The following NRP2 variants were observed in gnomAD, a reference collection of about 807,000 sequenced individuals.
The protein encoded by NRP2 is neuropilin-2.
Under a neutral mutation model 110.4 loss-of-function variants are expected in NRP2, and 52 were observed. That is an observed-to-expected ratio of 0.47 (90% confidence interval 0.38 to 0.59). The LOEUF is 0.59. Ranked by LOEUF, NRP2 falls within the 20% of genes least tolerant of loss-of-function variation. The pLI, the probability that NRP2 is intolerant of heterozygous loss-of-function variation, is 0.00. For missense variants in NRP2, 1,049 were observed against 1,203.0 expected (o/e 0.87, Z 1.89); for synonymous variants, 508 against 468.9 (o/e 1.08, Z -1.08).
At chr2:205,793,727 G>A (rs1165464727) in intron 16 of NRP2, among the ~76,000 whole-genome samples, 5 of 152,122 alleles carry the variant, frequency 3.3e-5, no homozygotes, top group Admixed American at 1.3e-4. Flanking sequence ...TCGGATAAAG[G>A]TCCACCCTCA....
chr2:205,712,921 G>T (rs1010459830), intron 2 of NRP2, among the ~76,000 whole-genome samples: 2 of 152,194 alleles, frequency 1.3e-5, no homozygotes, highest in African/African-American at 4.8e-5. Flanking sequence ...CAGCAGAGGG[G>T]TCCTTTAACT....
intron 2 of NRP2, among the ~76,000 whole-genome samples, chr2:205,712,369 C>G (rs756538539): frequency 6.6e-5 from 10 of 152,154 alleles, no homozygotes; most frequent in Non-Finnish European, 1.2e-4. Context: ...TTTATGTTGC[C>G]TTCTGGAAAA....
Position 205,776,172 on chromosome 2 carries a change from C to CT in NRP2, c.2425+9376dup, listed in dbSNP as rs757866376. 18 of 1,438,998 alleles carry CT rather than the reference C, an allele frequency of 1.3e-5. No individual in the cohort carries two copies. In the South Asian group the frequency reaches 1.3e-4, roughly 10 times the overall value. 89.1% of individuals were successfully genotyped at this position (1,438,998 alleles called of 1,614,324 possible). A position where few individuals can be genotyped will look rare whatever the true frequency, so the allele number is the denominator to read the frequency against. On this transcript the variant is annotated intron_variant, in intron 15 of 16. Transcript: ENST00000357785. ...TCCCAAAGCATGTGTGTGTTTCTTT[C>CT]TTTTTTTAAATTAGTCTTTTGATTA...
intron 1 of NRP2, 63 bp downstream of exon 1, chr2:205,683,426 A>G: frequency 2.5e-6 from 3 of 1,209,080 alleles, no homozygotes; most frequent in Non-Finnish European, 3.7e-6. Flanking sequence ...GTGACCGCTA[A>G]AGCAGGAAGG....
intron 7 of NRP2, among the ~76,000 whole-genome samples, chr2:205,739,576 C>T (rs1232245537): frequency 6.6e-6 from 1 of 151,930 alleles, no homozygotes; most frequent in Admixed American, 6.6e-5. Context: ...TTGGTTGTTA[C>T]AGCTATGACA....
chr2:205,709,601 C>T (rs949653717), intron 2 of NRP2, among the ~76,000 whole-genome samples: 1 of 152,234 alleles, frequency 6.6e-6, no homozygotes, highest in African/African-American at 2.4e-5. Flanking sequence ...CCACATGCTA[C>T]ACTTCCCAGG....
At chr2:205,743,955 G>C (rs2057492170) in intron 9 of NRP2, among the ~76,000 whole-genome samples, 1 of 152,150 alleles carries the variant, frequency 6.6e-6, no homozygotes, top group South Asian at 2.1e-4. Context: ...TATTGGTCAG[G>C]CTGGTCTCGA....
In NRP2 at chr2:205,775,131, G is replaced by C. The variant is rs141787321; in HGVS notation, c.2425+8328G>C. Among the ~76,000 whole-genome samples, 25 of 152,292 alleles carry C rather than the reference G, an allele frequency of 1.6e-4. No individual in the cohort carries two copies. In the East Asian group the frequency reaches 4.8e-3, roughly 29 times the overall value. Reference sequence around the variant, plus strand: ...CGGCTTAATGCAAACAGCTAGGGAGGCATTTTTCATAGGAGAAGCATATAT... The same window carrying C: ...CGGCTTAATGCAAACAGCTAGGGAGCCATTTTTCATAGGAGAAGCATATAT... On this transcript the variant is annotated intron_variant, in intron 15 of 16. Transcript: ENST00000357785.
intron 7 of NRP2, among the ~76,000 whole-genome samples, chr2:205,731,087 A>G (rs928387375): frequency 6.6e-6 from 1 of 152,220 alleles, no homozygotes; most frequent in Non-Finnish European, 1.5e-5. Context: ...ATCTTTATCC[A>G]ATTCCACATG....
chr2:205,690,392 G>C (rs1435980023), intron 1 of NRP2, among the ~76,000 whole-genome samples: 1 of 152,096 alleles, frequency 6.6e-6, no homozygotes, highest in African/African-American at 2.4e-5. Context: ...AAGTGTGGGG[G>C]TTGGAGTGAA....
At chr2:205,764,030 G>A in intron 13 of NRP2, 94 bp downstream of exon 13, 1 of 1,483,682 alleles carries the variant, frequency 6.7e-7, no homozygotes, top group South Asian at 1.2e-5. Flanking sequence ...AAGCGCTACT[G>A]TTTTCATTGT....
rs1460297679 is a variant in NRP2 at position 205,749,819 on chromosome 2, G to A, written c.1881G>A (p.Gly627=). The A allele has an allele frequency of 2.5e-6, 4 of 1,613,912 alleles. No homozygotes were observed. Among genetic ancestry groups the A allele is most frequent in the Non-Finnish European group, 3.4e-6 (4 of 1,179,910 alleles). The change falls in exon 11 of 17, where the codon GGG becomes GGA. Residue 627 remains glycine (G), a synonymous_variant. Transcript: ENST00000357785. ...YPTEEEATEC[G]ENCSFEDDKD... ...CCGAAGAGGAGGCCACAGAGTGTGG[G>A]GAGAACTGCAGCTTTGAGGATGGTA...
intron 14 of NRP2, among the ~76,000 whole-genome samples, 176 bp from the exon 15 acceptor site, chr2:205,766,607 T>C (rs935696834): frequency 1.4e-4 from 21 of 152,292 alleles, no homozygotes; most frequent in Non-Finnish European, 2.4e-4. Flanking sequence ...CCCATGATGA[T>C]GATGTGTTAG....
At chr2:205,684,788 G>C (rs577906306) in intron 1 of NRP2, among the ~76,000 whole-genome samples, 1 of 152,372 alleles carries the variant, frequency 6.6e-6, no homozygotes, top group South Asian at 2.1e-4. Context: ...TAAATTCCCA[G>C]CTTGAAGCGG....
chr2:205,763,813 G>A lies in NRP2; in HGVS notation c.2184G>A (p.Val728=), dbSNP rs985226136. 1.4e-5 allele frequency: 23 copies of A among 1,614,032 alleles called. No individual in the cohort carries two copies. The highest frequency in any genetic ancestry group is 1.9e-5 in the Non-Finnish European group (22 of 1,180,028). Residue 728 remains valine (V), a synonymous_variant, in exon 13 of 17, where the codon GTG becomes GTA. Transcript: ENST00000357785. This position sits in a 1 kb window ranked among gnomAD's most constrained non-coding sequence, Gnocchi z 4.0. ...ACCAGGCCACGGGCGGCCGCGGGGT[G>A]GCGCTGCAGGTGGTGCGGGAAGCCA... ...FQYQATGGRG[V]ALQVVREASQ...
chr2:205,785,884 A>T (rs1189702058), intron 15 of NRP2, among the ~76,000 whole-genome samples: 2 of 152,226 alleles, frequency 1.3e-5, no homozygotes, highest in Non-Finnish European at 2.9e-5. Flanking sequence ...TCTTCCAGTA[A>T]TCTCACACCA....
intron 15 of NRP2, among the ~76,000 whole-genome samples, chr2:205,771,349 T>C (rs911282156): frequency 2.0e-5 from 3 of 152,330 alleles, no homozygotes; most frequent in South Asian, 2.1e-4. Context: ...TGTAAACTTC[T>C]CTAGAGGAGC....
rs760189840 is a variant in NRP2 at position 205,740,673 on chromosome 2, G to A, written c.1291+10G>A. 1 of 1,613,872 alleles carries A rather than the reference G, an allele frequency of 6.2e-7. No homozygotes were observed. On this transcript the variant is annotated intron_variant, in intron 8 of 16. Transcript: ENST00000357785. Reference sequence around the variant, plus strand: ...GGCTGCCGGGTCACAGGTGAGGTGGGGGCTCCAATGAGGTTGGGGTGCTGA... The same window carrying A: ...GGCTGCCGGGTCACAGGTGAGGTGGAGGCTCCAATGAGGTTGGGGTGCTGA...
chr2:205,743,131 T>C (rs1202134668), intron 8 of NRP2, 72 bp from the exon 9 acceptor site: 4 of 1,599,950 alleles, frequency 2.5e-6, no homozygotes, highest in Non-Finnish European at 3.4e-6. Flanking sequence ...TGCAGCTCCC[T>C]TCTTATAGCG....
Sources: gnomAD v4.1 joint callset for allele counts (sites outside exome capture counted in the v4.1 genomes callset) on GRCh38, gnomAD v4.1.1 for gene constraint, Gnocchi (gnomAD v3.1) non-coding constraint, MANE v1.5 for transcripts, NCBI Gene and HGNC (gene_info 2026-07-23, HGNC 2026-07-21) for gene names.